ESR2: variants seen among roughly 807,000 people sequenced by gnomAD.
ESR2 encodes the protein estrogen receptor beta.
In ESR2, 36 loss-of-function variants were observed where a neutral mutation model predicts 49.6. That is an observed-to-expected ratio of 0.73 (90% CI 0.56 to 0.96). The LOEUF is 0.96. ESR2 is among the 40% of genes least tolerant of loss of function. ESR2 has a pLI of 0.00. For missense variants in ESR2, 714 were observed against 693.0 expected, an observed-to-expected ratio of 1.03 and a Z score of -0.34; for synonymous variants, 320 against 266.1, an observed-to-expected ratio of 1.20 and a Z score of -1.97.
At chr14:64,269,397 G>C (rs2076394186) in intron 3 of ESR2, among the ~76,000 whole-genome samples, 1 of 152,152 alleles carries the variant, frequency 6.6e-6, no homozygotes, top group Non-Finnish European at 1.5e-5. Context: ...ATGACAGAAA[G>C]TACTGCTATT....
Position 64,282,848 on chromosome 14 carries a change from C to A in ESR2, c.138G>T (p.Met46Ile). ...TCATCACAGCAGGGCTATAGAATGTCATGGCTGGATATTCATGGTGGCTGT... is the reference window on the plus strand; with the variant it reads ...TCATCACAGCAGGGCTATAGAATGTAATGGCTGGATATTCATGGTGGCTGT... ...YVDSHHEYPA[M>I]TFYSPAVMNY... is the part of the protein sequence containing the mutation. Residue 46 changes from methionine (M) to isoleucine (I), a missense_variant, in exon 2 of 9, where the codon ATG (methionine) becomes ATT (isoleucine). Coordinates refer to ENST00000341099, the MANE Select transcript of ESR2 (RefSeq NM_001437.3). 1 of 1,614,198 alleles carries A rather than the reference C, an allele frequency of 6.2e-7. No individual in the cohort carries two copies. The highest frequency in any genetic ancestry group is 1.1e-5 in the South Asian group (1 of 91,058).
At chr14:64,241,946 G>A (rs1346091360) in intron 7 of ESR2, among the ~76,000 whole-genome samples, 1 of 152,196 alleles carries the variant, frequency 6.6e-6, no homozygotes, top group African/African-American at 2.4e-5. Flanking sequence ...TAGAATTAAG[G>A]ACAGTGGACA....
chr14:64,241,025 A>T (rs992128300), intron 7 of ESR2, among the ~76,000 whole-genome samples: 1 of 151,676 alleles, frequency 6.6e-6, no homozygotes, highest in Non-Finnish European at 1.5e-5. Flanking sequence ...GGGCGCCTGT[A>T]GTCCCAGCTA....
Position 64,233,236 on chromosome 14 carries a change from G to A in ESR2, c.1494C>T (p.His498=), listed in dbSNP as rs369733925. The A allele has an allele frequency of 1.5e-5, 24 of 1,614,068 alleles. No individual in the cohort carries two copies. Among genetic ancestry groups the A allele is most frequent in the Middle Eastern group, 1.6e-4 (1 of 6,084 alleles). ...TGGAGGACTTGCACCCGCGAAGCAC[G>A]TGGGCATTCAGCATCTCCAGCAGCA... ...YDLLLEMLNA[H]VLRGCKSSIT... The change falls in exon 9 of 9, where the codon CAC becomes CAT. Residue 498 remains histidine (H), a synonymous_variant. Transcript: ENST00000341099.
At chr14:64,315,243 C>CA (rs201805001) in intron 1 of ESR2, among the ~76,000 whole-genome samples, 5,073 of 45,056 alleles carry the variant, frequency 0.11, 358 homozygotes, top group Non-Finnish European at 0.15. Context: ...GAGTCTGTCT[C>CA]AAAAAAAAAA....
intron 1 of ESR2, among the ~76,000 whole-genome samples, chr14:64,333,588 G>A (rs1340613162): frequency 6.6e-6 from 1 of 152,156 alleles, no homozygotes; most frequent in Non-Finnish European, 1.5e-5. Context: ...CATGGCTGGG[G>A]AGGCCTCACA....
In ESR2 at chr14:64,305,602, C is replaced by T. The variant is rs533607997; in HGVS notation, c.-90-22527G>A. ...AGGAGAATGGTGTGAACCAGGGCAGCGGAGCTTGCAGTGAGCCAAGATCGC... is the reference window on the plus strand; with the variant it reads ...AGGAGAATGGTGTGAACCAGGGCAGTGGAGCTTGCAGTGAGCCAAGATCGC... On this transcript the variant is annotated intron_variant, in intron 1 of 8. Coordinates refer to the ESR2 transcript ENST00000358599. Among the ~76,000 whole-genome samples, 566 of 151,746 alleles carry T rather than the reference C, an allele frequency of 3.7e-3. 6 individuals are homozygous for T. The highest frequency in any genetic ancestry group is 0.013 in the African/African-American group (543 of 41,430).
intron 1 of ESR2, chr14:64,303,673 A>G (rs1245754356): frequency 6.6e-6 from 1 of 152,218 alleles, no homozygotes; most frequent in Non-Finnish European, 1.5e-5. Context: ...GTGGATAGGA[A>G]AGAGTAAGAC....
At chr14:64,335,420 G>A (rs73269944) in intron 1 of ESR2, among the ~76,000 whole-genome samples, 101 of 152,298 alleles carry the variant, frequency 6.6e-4, no homozygotes, top group African/African-American at 2.4e-3. Flanking sequence ...GAAAGACCAA[G>A]ATCAAGGTGA....
intron 7 of ESR2, among the ~76,000 whole-genome samples, chr14:64,241,002 C>T (rs2075713469): frequency 6.6e-6 from 1 of 151,612 alleles, no homozygotes; most frequent in Admixed American, 6.6e-5. Flanking sequence ...AAAAATTAGC[C>T]GGGCGTGATG....
At chr14:64,235,513 T>A (rs2075577999) in intron 7 of ESR2, among the ~76,000 whole-genome samples, 1 of 152,280 alleles carries the variant, frequency 6.6e-6, no homozygotes, top group South Asian at 2.1e-4. Flanking sequence ...AGATTAATTC[T>A]ACTTTTAGCC....
upstream of ESR2, among the ~76,000 whole-genome samples, chr14:64,295,135 A>G (rs1379883970): frequency 6.6e-6 from 1 of 152,222 alleles, no homozygotes; most frequent in African/African-American, 2.4e-5. Context: ...AACTGGCTTT[A>G]AGGCAGCTGT....
chr14:64,232,907 G>T lies in ESR2; in HGVS notation c.*230C>A. On this transcript the variant is annotated 3_prime_UTR_variant, in exon 9 of 9. Transcript: ENST00000341099. ...CACTGAGATCCTATGAGGCCATTGA[G>T]TGTGGAAACGCTGCATTCAAATGTG... is the stretch of plus-strand genomic sequence containing the variant. 1 of 715,710 alleles carries T rather than the reference G, an allele frequency of 1.4e-6. No homozygotes were observed. Among genetic ancestry groups the T allele is most frequent in the Non-Finnish European group, 2.1e-6 (1 of 483,884 alleles). 44.3% of individuals were successfully genotyped at this position (715,710 alleles called of 1,614,324 possible).
chr14:64,251,920 T>G (rs776645274), intron 6 of ESR2, among the ~76,000 whole-genome samples: 4 of 152,216 alleles, frequency 2.6e-5, no homozygotes, highest in Non-Finnish European at 5.9e-5. Context: ...ACAAAGTTAG[T>G]AAAGACTCTA....
At chr14:64,288,273 A>G (rs1156345362) in intron 1 of ESR2, among the ~76,000 whole-genome samples, 1 of 152,124 alleles carries the variant, frequency 6.6e-6, no homozygotes, top group Admixed American at 6.5e-5. Flanking sequence ...TAAAATTCCC[A>G]ATTTTGACAA....
chr14:64,239,326 C>T (rs1416127080), intron 7 of ESR2, among the ~76,000 whole-genome samples: 1 of 152,228 alleles, frequency 6.6e-6, no homozygotes, highest in Non-Finnish European at 1.5e-5. Flanking sequence ...CACCCACCCA[C>T]TCCATGGGAA....
At chr14:64,279,411 C>T (rs769991669) in intron 3 of ESR2, among the ~76,000 whole-genome samples, 4 of 151,938 alleles carry the variant, frequency 2.6e-5, no homozygotes, top group Admixed American at 6.6e-5. Context: ...ATCCAGAAGG[C>T]GTTTAGAGAA....
intron 4 of ESR2, among the ~76,000 whole-genome samples, chr14:64,264,572 TA>T (rs1475834168): frequency 6.6e-6 from 1 of 152,096 alleles, no homozygotes; most frequent in Non-Finnish European, 1.5e-5. Context: ...TGTATAGTTT[TA>T]AAAAGCACCT....
Position 64,323,513 on chromosome 14 carries a change from C to A in ESR2, c.-91+14385G>T, listed in dbSNP as rs553497320. Reference sequence around the variant, plus strand: ...GAGCCACCATGCCTGGCCAAGCACACGTTATTTTGTACAATCTTAAGAAAA... The same window carrying A: ...GAGCCACCATGCCTGGCCAAGCACAAGTTATTTTGTACAATCTTAAGAAAA... On this transcript the variant is annotated intron_variant, in intron 1 of 8. Transcript: ENST00000358599. Among the ~76,000 whole-genome samples the A allele has an allele frequency of 6.7e-3, 857 of 128,842 alleles. 10 individuals are homozygous for A. Among genetic ancestry groups the A allele is most frequent in the African/African-American group, 0.027 (830 of 30,538 alleles). 84.5% of individuals were successfully genotyped at this position (128,842 alleles called of 152,430 possible).
Sources: allele counts gnomAD v4.1 joint callset (sites outside exome capture counted in the v4.1 genomes callset), GRCh38; gene constraint gnomAD v4.1.1; transcripts MANE v1.5; gene names NCBI Gene and HGNC (gene_info 2026-07-23, HGNC 2026-07-21).